Variants in PTPRM observed in about 807,000 individuals in gnomAD.
PTPRM encodes receptor-type tyrosine-protein phosphatase mu.
Under a neutral mutation model 186.7 loss-of-function variants are expected in PTPRM, and 47 were observed. The observed-to-expected ratio is 0.25, with a 90% CI of 0.20 to 0.32. PTPRM has a LOEUF of 0.32. Among genes scored for constraint, PTPRM ranks in the 10% least tolerant of loss-of-function variants. The pLI is 1.00. For missense variants in PTPRM, 1,494 were observed against 1,865.0 expected (o/e 0.80, Z 3.66); for synonymous variants, 668 against 674.9 (o/e 0.99, Z 0.16).
intron 1 of PTPRM, among the ~76,000 whole-genome samples, chr18:7,653,866 G>C (rs1159708950): frequency 3.3e-5 from 5 of 152,130 alleles, no homozygotes; most frequent in African/African-American, 1.2e-4. Context: ...TGGGATTTCT[G>C]TTTTTAGGTC....
intron 23 of PTPRM, among the ~76,000 whole-genome samples, chr18:8,365,177 T>C (rs536834992): frequency 6.6e-6 from 1 of 152,144 alleles, no homozygotes; most frequent in Non-Finnish European, 1.5e-5. Context: ...TTGAGTTCCA[T>C]CCTCCCAAAG....
intron 14 of PTPRM, among the ~76,000 whole-genome samples, chr18:8,146,522 T>G (rs1199385019): frequency 3.9e-5 from 6 of 152,080 alleles, no homozygotes; most frequent in Non-Finnish European, 7.4e-5. Context: ...CTTGTAAATT[T>G]GTTTAAGTTC....
intron 24 of PTPRM, among the ~76,000 whole-genome samples, chr18:8,374,486 G>A (rs1384580691): frequency 1.3e-5 from 2 of 152,174 alleles, no homozygotes; most frequent in Non-Finnish European, 2.9e-5. Flanking sequence ...GAAAGCTGGG[G>A]GAGCTTTCTA....
At chr18:8,078,392 C>T (rs619957) in intron 9 of PTPRM, among the ~76,000 whole-genome samples, 131,747 of 152,262 alleles carry the variant, frequency 0.87, 57,220 homozygotes, top group African/African-American at 0.93. Context: ...GACAAAATCA[C>T]GCTAAGGAAA....
chr18:7,892,697 G>A (rs1346373400), intron 3 of PTPRM, among the ~76,000 whole-genome samples: 1 of 152,170 alleles, frequency 6.6e-6, no homozygotes, highest in Non-Finnish European at 1.5e-5. Flanking sequence ...GGACTGTACG[G>A]CTTAAACAAC....
chr18:7,902,549 T>G (rs1193593356), intron 3 of PTPRM, among the ~76,000 whole-genome samples: 1 of 152,212 alleles, frequency 6.6e-6, no homozygotes, highest in Non-Finnish European at 1.5e-5. Context: ...CCCATTGCTA[T>G]GAGCTGTGTT....
intron 1 of PTPRM, among the ~76,000 whole-genome samples, chr18:7,732,358 A>G (rs1186545356): frequency 2.0e-5 from 3 of 152,210 alleles, no homozygotes; most frequent in Non-Finnish European, 4.4e-5. Flanking sequence ...TTCATTGATC[A>G]GAACTTAGTT....
chr18:8,137,711 C>T (rs591432), intron 13 of PTPRM, among the ~76,000 whole-genome samples: 104,236 of 151,962 alleles, frequency 0.69, 37,263 homozygotes, highest in East Asian at 0.89. Context: ...CAGACCCTGC[C>T]CTTGAAGCTA....
chr18:7,940,424 A>AT (rs1395009151), intron 5 of PTPRM, among the ~76,000 whole-genome samples: 1 of 152,168 alleles, frequency 6.6e-6, no homozygotes, highest in African/African-American at 2.4e-5. Context: ...AAGTAGGAGC[A>AT]TGTTTCAGTT....
At chr18:8,063,033 A>G (rs1374604102) in intron 7 of PTPRM, among the ~76,000 whole-genome samples, 6 of 150,754 alleles carry the variant, frequency 4.0e-5, no homozygotes, top group African/African-American at 4.9e-5. Context: ...AAGCCTGGGC[A>G]ATGGCGGGCG....
chr18:8,150,931 C>A (rs1360458011), intron 14 of PTPRM, among the ~76,000 whole-genome samples: 1 of 152,138 alleles, frequency 6.6e-6, no homozygotes, highest in African/African-American at 2.4e-5. Flanking sequence ...CGCTCCAGAC[C>A]TTGTTTGCCT....
At chr18:8,196,623 T>G (rs148972355) in intron 14 of PTPRM, among the ~76,000 whole-genome samples, 1 of 152,228 alleles carries the variant, frequency 6.6e-6, no homozygotes, top group Admixed American at 6.5e-5. Context: ...TTTTTCAAAT[T>G]CAACACGAAG....
chr18:8,045,414 A>T (rs933458247), intron 7 of PTPRM, among the ~76,000 whole-genome samples: 2 of 152,218 alleles, frequency 1.3e-5, no homozygotes, highest in Admixed American at 6.5e-5. Context: ...GAAACAACAT[A>T]TAGTTCTCAT....
At chr18:8,194,242 G>A (rs1460748604) in intron 14 of PTPRM, among the ~76,000 whole-genome samples, 2 of 152,102 alleles carry the variant, frequency 1.3e-5, no homozygotes, top group African/African-American at 2.4e-5. Flanking sequence ...ATCTCCCTTG[G>A]TAGCTTGACT....
At chr18:7,965,620 G>A (rs191118396) in intron 7 of PTPRM, among the ~76,000 whole-genome samples, 333 of 152,172 alleles carry the variant, frequency 2.2e-3, no homozygotes, top group African/African-American at 7.3e-3. Context: ...GCCTCAGAGC[G>A]GGCAAAGCCA....
intron 3 of PTPRM, among the ~76,000 whole-genome samples, chr18:7,904,714 C>T (rs2049884637): frequency 6.6e-6 from 1 of 152,136 alleles, no homozygotes; most frequent in African/African-American, 2.4e-5. Context: ...TATAAAGCTT[C>T]TGTAAATATG....
chr18:7,603,002 G>A (rs940530185), intron 1 of PTPRM, among the ~76,000 whole-genome samples: 3 of 150,834 alleles, frequency 2.0e-5, no homozygotes, highest in Non-Finnish European at 4.4e-5. Flanking sequence ...ATCTCGGCTC[G>A]CTACAAGCTC....
intron 1 of PTPRM, among the ~76,000 whole-genome samples, chr18:7,727,870 A>G (rs553857424): frequency 4.3e-4 from 65 of 152,336 alleles, no homozygotes; most frequent in African/African-American, 1.6e-3. Flanking sequence ...GCACTAGGCC[A>G]GGTGCTTTAC....
chr18:7,602,560 TG>T (rs2037428950), intron 1 of PTPRM, among the ~76,000 whole-genome samples: 2 of 152,186 alleles, frequency 1.3e-5, no homozygotes, highest in East Asian at 3.9e-4. Context: ...CCCTAGTTGC[TG>T]CAACTATAGG....
Sources: gnomAD v4.1 joint callset for allele counts (sites outside exome capture counted in the v4.1 genomes callset) on GRCh38, gnomAD v4.1.1 for gene constraint, MANE v1.5 for transcripts, NCBI Gene and HGNC (gene_info 2026-07-23, HGNC 2026-07-21) for gene names.